The following PIGN variants were observed in gnomAD, a reference collection of about 807,000 sequenced individuals.
PIGN encodes the protein GPI ethanolamine phosphate transferase 1.
PIGN carries 117 observed loss-of-function variants against 125.4 expected under a neutral mutation model. That is an observed-to-expected ratio of 0.93 (90% CI 0.80 to 1.09). The LOEUF (loss-of-function observed/expected upper bound fraction) is 1.09. PIGN is among the 50% of genes least tolerant of loss of function. The pLI, the probability that PIGN is intolerant of heterozygous loss-of-function variation, is 0.00. For synonymous variants in PIGN, 392 were observed against 377.8 expected, an observed-to-expected ratio of 1.04 and a Z score of -0.44; for missense variants, 1,075 against 1,094.9, an observed-to-expected ratio of 0.98 and a Z score of 0.26.
intron 23 of PIGN, among the ~76,000 whole-genome samples, chr18:62,029,524 A>T (rs964792806): frequency 3.9e-5 from 6 of 152,230 alleles, no homozygotes; most frequent in Non-Finnish European, 5.9e-5. Flanking sequence ...TGCATTGTCA[A>T]CAGCCAGTTA....
At chr18:62,105,747 T>C (rs1336330569) in intron 19 of PIGN, 113 bp from the exon 20 acceptor site, 4 of 532,304 alleles carry the variant, frequency 7.5e-6, no homozygotes, top group Non-Finnish European at 1.3e-5. Flanking sequence ...GCCTTACAGC[T>C]GTTTATTATT....
At chr18:62,145,779 A>G in intron 10 of PIGN, 130 bp downstream of exon 10, 1 of 595,290 alleles carries the variant, frequency 1.7e-6, no homozygotes, top group South Asian at 2.1e-5. Flanking sequence ...GTTTGTATAG[A>G]AATAGTAATG....
intron 6 of PIGN, among the ~76,000 whole-genome samples, chr18:62,155,882 T>C (rs989961743): frequency 6.6e-6 from 1 of 152,214 alleles, no homozygotes; most frequent in African/African-American, 2.4e-5. Context: ...AGGCAATATA[T>C]AAATGGCAAA....
intron 8 of PIGN, among the ~76,000 whole-genome samples, chr18:62,147,872 A>G (rs1258883319): frequency 1.3e-5 from 2 of 152,164 alleles, no homozygotes; most frequent in Non-Finnish European, 2.9e-5. Context: ...TTGGTGATAT[A>G]AAAGTTAATA....
chr18:62,090,476 C>T lies in PIGN; in HGVS notation c.2283G>A (p.Lys761=), dbSNP rs780154131. 44 of 1,584,318 alleles carry T rather than the reference C, an allele frequency of 2.8e-5. No individual in the cohort carries two copies. Among genetic ancestry groups the T allele is most frequent in the Non-Finnish European group, 3.6e-5 (42 of 1,157,410 alleles). The change falls in exon 24 of 31, where the codon AAG becomes AAA. Residue 761 remains lysine (K), a splice_region_variant and synonymous_variant. Transcript: ENST00000640252. The part of the protein sequence containing the change: ...LQQSGVCCKQ[K]LTSIQFSYNT... ...AACAAAAATGACTTTGACCAGCTAC[C>T]TTTTGTTTACAGCAAACACCAGATT...
At chr18:62,078,940 C>A (rs1195469789) in intron 28 of PIGN, among the ~76,000 whole-genome samples, 1 of 152,206 alleles carries the variant, frequency 6.6e-6, no homozygotes, top group East Asian at 1.9e-4. Flanking sequence ...ACAGACAGAA[C>A]AGCCTTCAAA....
chr18:62,132,542 T>C (rs76936504), intron 14 of PIGN, among the ~76,000 whole-genome samples: 3,376 of 152,272 alleles, frequency 0.022, 104 homozygotes, highest in African/African-American at 0.058. Flanking sequence ...ACTGATATAA[T>C]TAATAAATTC....
chr18:62,021,973 A>G (rs1483993781), intron 23 of PIGN, among the ~76,000 whole-genome samples: 1 of 152,210 alleles, frequency 6.6e-6, no homozygotes, highest in African/African-American at 2.4e-5. Context: ...CATTATTATT[A>G]GTAGTAGCTA....
At chr18:62,179,614 C>T (rs1029593644) in intron 1 of PIGN, among the ~76,000 whole-genome samples, 1 of 152,080 alleles carries the variant, frequency 6.6e-6, no homozygotes, top group Non-Finnish European at 1.5e-5. Context: ...GGCATGGTGG[C>T]ACATGCCTGT....
intron 7 of PIGN, among the ~76,000 whole-genome samples, chr18:62,148,693 C>T (rs2036424659): frequency 6.6e-6 from 1 of 152,066 alleles, no homozygotes. Context: ...AATACTGTTA[C>T]CAGTTTAAGA....
chr18:62,162,739 T>C (rs1253930697), intron 2 of PIGN, among the ~76,000 whole-genome samples: 2 of 152,152 alleles, frequency 1.3e-5, no homozygotes, highest in Non-Finnish European at 2.9e-5. Flanking sequence ...ATGTGTCATA[T>C]AGCATATTCC....
chr18:62,138,385 G>C (rs576857661), intron 13 of PIGN, 87 bp from the exon 14 acceptor site: 452 of 1,452,294 alleles, frequency 3.1e-4, no homozygotes, highest in Non-Finnish European at 4.0e-4. Context: ...TGATTCTTTA[G>C]GGATGGTTAA....
At position 62,100,321 on chromosome 18, in the gene PIGN, T is replaced by C. The variant is rs183472145; in HGVS notation, c.2077+754A>G. On this transcript the variant is annotated intron_variant, in intron 22 of 30. Transcript: ENST00000640252. ...TATCAAAAAGATAAAAAATAGCAGA[T>C]GCTGGCAATGATGTGGGGAAGGGGG... is the stretch of plus-strand genomic sequence containing the variant. Among the ~76,000 whole-genome samples the C allele has an allele frequency of 2.8e-3, 421 of 152,306 alleles. 2 individuals are homozygous for C. Among genetic ancestry groups the C allele is most frequent in the Non-Finnish European group, 3.7e-3 (250 of 68,006 alleles).
intron 1 of PIGN, among the ~76,000 whole-genome samples, chr18:62,182,513 C>T (rs1411352519): frequency 6.6e-6 from 1 of 152,146 alleles, no homozygotes; most frequent in African/African-American, 2.4e-5. Context: ...CAATTGTCCA[C>T]TTTGTGTTTC....
chr18:62,048,622 G>GA lies in PIGN; in HGVS notation c.2673-2644dup, dbSNP rs34476400. 1.4e-4 allele frequency among the ~76,000 whole-genome samples: 21 copies of GA among 145,300 alleles called. No homozygotes were observed. In the South Asian group the frequency reaches 1.5e-3, roughly 11 times the overall value. On this transcript the variant is annotated intron_variant, in intron 30 of 30. Transcript: ENST00000640252. The stretch of plus-strand genomic sequence containing the variant: ...TAAGGGGAAATCAGAATTCACAGAT[G>GA]AAAAAAAAAAACCAAATGAATTTAT...
chr18:62,112,488 T>C (rs868643100), intron 16 of PIGN: 2 of 152,176 alleles, frequency 1.3e-5, no homozygotes, highest in Non-Finnish European at 2.9e-5. Context: ...AGTGTTTTAA[T>C]GTAGTAAAAC....
In PIGN at chr18:62,109,903, T is replaced by C. The variant is rs748821498; in HGVS notation, c.1505A>G (p.Gln502Arg). The change falls in exon 17 of 31, where the codon CAA (glutamine) becomes CGA (arginine). Residue 502 changes from glutamine (Q) to arginine (R), a missense_variant. Gln to Arg is a conservative substitution (Grantham distance 43). Transcript: ENST00000640252. ...TACATAATATGTCCAGGGACAGGCT[T>C]GAATCAGCAGAAAAAATGCTACTAA... ...GILVAFFLLI[Q>R]ACPWTYYVYG... 1.6e-5 allele frequency: 26 copies of C among 1,613,124 alleles called. No homozygotes were observed. The highest frequency in any genetic ancestry group is 2.2e-5 in the South Asian group (2 of 91,062).
At position 62,064,759 on chromosome 18, in the gene PIGN, A is replaced by G. The variant is rs184766939; in HGVS notation, c.2672+7914T>C. On this transcript the variant is annotated intron_variant, in intron 30 of 30. Coordinates refer to ENST00000640252, the MANE Select transcript of PIGN (RefSeq NM_176787.5). ...TCTCAATAATCCTTAACTTTTCCCA[A>G]TCACTGTTTAACTTAACCTGCTTTT... Among the ~76,000 whole-genome samples the G allele has an allele frequency of 1.4e-4, 22 of 152,150 alleles. No individual in the cohort carries two copies. The East Asian group carries it at 3.9e-3, about 27-fold the overall frequency.
At chr18:62,128,373 C>A (rs1043479750) in intron 14 of PIGN, among the ~76,000 whole-genome samples, 2 of 152,118 alleles carry the variant, frequency 1.3e-5, no homozygotes, top group Non-Finnish European at 2.9e-5. Flanking sequence ...TGGAAGCCAG[C>A]CAGGAGGAAT....
Sources: allele counts gnomAD v4.1 joint callset (sites outside exome capture counted in the v4.1 genomes callset), GRCh38; gene constraint gnomAD v4.1.1; transcripts MANE v1.5; gene names NCBI Gene and HGNC (gene_info 2026-07-23, HGNC 2026-07-21).